Variants in PRH1 observed in about 807,000 individuals in gnomAD.
PRH1 encodes the protein salivary acidic proline-rich phosphoprotein 1/2.
In PRH1, 7 loss-of-function variants were observed where a neutral mutation model predicts 7.9. The observed-to-expected ratio is 0.89, with a 90% confidence interval of 0.50 to 1.67. PRH1 has a LOEUF of 1.67. PRH1 is among the 40% of genes most tolerant of loss of function. The pLI is 0.00. For synonymous variants in PRH1, 45 were observed against 80.8 expected (o/e 0.56, Z 2.38); for missense variants, 109 against 223.6 (o/e 0.49, Z 3.27).
At chr12:11,035,941 T>G (rs1942416898) in intron 1 of PRH1, among the ~76,000 whole-genome samples, 1 of 152,222 alleles carries the variant, frequency 6.6e-6, no homozygotes, top group Non-Finnish European at 1.5e-5. Flanking sequence ...TCTCCCAGGC[T>G]GGAGTGCAGT....
intron 2 of PRH1, among the ~76,000 whole-genome samples, chr12:10,924,840 T>C (rs1037107054): frequency 2.0e-5 from 3 of 152,202 alleles, no homozygotes; most frequent in Non-Finnish European, 4.4e-5. Context: ...GTGGAATCAG[T>C]GGTGATATCC....
At chr12:11,124,019 T>C (rs2136332170) in intron 1 of PRH1, among the ~76,000 whole-genome samples, 1 of 152,272 alleles carries the variant, frequency 6.6e-6, no homozygotes, top group African/African-American at 2.4e-5. Flanking sequence ...ATTCCTTCTT[T>C]TTCCAACACT....
intron 1 of PRH1, among the ~76,000 whole-genome samples, chr12:11,135,209 C>T (rs887791749): frequency 4.6e-5 from 7 of 152,082 alleles, no homozygotes; most frequent in Non-Finnish European, 8.8e-5. Flanking sequence ...AGTATCCTCC[C>T]ATCACACGAA....
intron 2 of PRH1, among the ~76,000 whole-genome samples, chr12:10,967,985 G>T (rs1276325215): frequency 2.0e-5 from 3 of 152,216 alleles, no homozygotes; most frequent in Non-Finnish European, 4.4e-5. Context: ...GGAGGCTGAG[G>T]CAGGAGAATC....
intron 2 of PRH1, among the ~76,000 whole-genome samples, chr12:10,962,663 T>C (rs1444569588): frequency 6.6e-6 from 1 of 152,260 alleles, no homozygotes; most frequent in Non-Finnish European, 1.5e-5. Flanking sequence ...TATTACTCTA[T>C]TCACTAACTC....
At chr12:10,973,445 G>T (rs1938929718) in intron 2 of PRH1, 5 of 413,942 alleles carry the variant, frequency 1.2e-5, no homozygotes, top group Non-Finnish European at 4.3e-6. Flanking sequence ...ATATAGATAT[G>T]AACTTAGACT....
chr12:11,144,845 C>T (rs2136404373), intron 1 of PRH1, among the ~76,000 whole-genome samples: 1 of 152,316 alleles, frequency 6.6e-6, no homozygotes, highest in South Asian at 2.1e-4. Flanking sequence ...AGAAACTTCT[C>T]CTGCAAACAG....
At chr12:11,033,788 A>C (rs1343500252) in intron 1 of PRH1, among the ~76,000 whole-genome samples, 1 of 152,206 alleles carries the variant, frequency 6.6e-6, no homozygotes, top group African/African-American at 2.4e-5. Context: ...AATAATTTCT[A>C]TGAGATATTT....
intron 1 of PRH1, among the ~76,000 whole-genome samples, chr12:11,013,328 G>A (rs1941146672): frequency 6.6e-6 from 1 of 151,998 alleles, no homozygotes; most frequent in South Asian, 2.1e-4. Context: ...TTCAAAAATG[G>A]TACCACTGCA....
At chr12:10,953,299 G>C (rs1035236258) in intron 2 of PRH1, among the ~76,000 whole-genome samples, 3 of 152,100 alleles carry the variant, frequency 2.0e-5, no homozygotes. Context: ...TCAGACCATG[G>C]ATAGGAACAA....
chr12:10,887,715 C>CA (rs1224037511), upstream of PRH1, among the ~76,000 whole-genome samples: 34 of 144,530 alleles, frequency 2.4e-4, no homozygotes, highest in Admixed American at 7.5e-4. Context: ...ACTAAAAATA[C>CA]AAAAAAAAAA....
chr12:11,156,260 A>G (rs1027434783), intron 1 of PRH1, among the ~76,000 whole-genome samples: 1 of 152,220 alleles, frequency 6.6e-6, no homozygotes, highest in African/African-American at 2.4e-5. Flanking sequence ...TCCTTTCAAC[A>G]TAATCTATCT....
At chr12:11,142,467 G>C (rs1166471431) in intron 1 of PRH1, among the ~76,000 whole-genome samples, 1 of 152,256 alleles carries the variant, frequency 6.6e-6, no homozygotes, top group South Asian at 2.1e-4. Context: ...CCCTAATCAG[G>C]ATTCTATAGA....
At chr12:11,015,677 G>A (rs1363112410) in intron 1 of PRH1, among the ~76,000 whole-genome samples, 1 of 152,066 alleles carries the variant, frequency 6.6e-6, no homozygotes, top group African/African-American at 2.4e-5. Flanking sequence ...TTGCATTTGG[G>A]TTTTTTAGAT....
chr12:11,010,011 T>C (rs1430196162), intron 1 of PRH1, among the ~76,000 whole-genome samples: 3 of 151,958 alleles, frequency 2.0e-5, no homozygotes, highest in African/African-American at 7.2e-5. Context: ...AGCTTGATCA[T>C]GAAACAGTTT....
intron 1 of PRH1, among the ~76,000 whole-genome samples, chr12:11,060,539 G>C (rs959006792): frequency 3.3e-5 from 5 of 151,842 alleles, no homozygotes; most frequent in Non-Finnish European, 5.9e-5. Flanking sequence ...CAAAAAAAAA[G>C]CTTTTCTTTA....
In PRH1 at chr12:10,884,222, C is replaced by A. The variant is rs780318408; in HGVS notation, c.-5G>T. The A allele has an allele frequency of 1.3e-5, 21 of 1,614,210 alleles. No homozygotes were observed. In the Middle Eastern group the frequency reaches 2.1e-3, roughly 165 times the overall value. On this transcript the variant is annotated 5_prime_UTR_variant, in exon 1 of 4. Transcript: ENST00000543626. ...TGACAGCAGAATCAGAAGCATCTTG[C>A]AGGAGGCTCTGGTGTCACTCCCAAC...
chr12:11,062,175 C>A (rs1943636705), intron 1 of PRH1: 2 of 1,613,580 alleles, frequency 1.2e-6, no homozygotes, highest in Non-Finnish European at 1.7e-6. Flanking sequence ...CAAAAGAGAT[C>A]TTTTGTCTCT....
At chr12:10,899,966 T>C (rs895978343) in intron 2 of PRH1, among the ~76,000 whole-genome samples, 1 of 152,204 alleles carries the variant, frequency 6.6e-6, no homozygotes, top group Non-Finnish European at 1.5e-5. Context: ...GACCTGAATG[T>C]TTATTTTCAT....
Sources: gnomAD v4.1 joint callset for allele counts (sites outside exome capture counted in the v4.1 genomes callset) on GRCh38, gnomAD v4.1.1 for gene constraint, MANE v1.5 for transcripts, NCBI Gene and HGNC (gene_info 2026-07-23, HGNC 2026-07-21) for gene names.